The following DNAH10 variants were observed in gnomAD, a reference collection of about 807,000 sequenced individuals.
DNAH10 encodes the protein dynein axonemal heavy chain 10.
DNAH10 carries 348 observed loss-of-function variants against 506.6 expected under a neutral mutation model. The ratio of observed to expected loss-of-function variants is 0.69; its 90% CI spans 0.63 to 0.75. The LOEUF is 0.75. Among genes scored for constraint, DNAH10 ranks in the 30% least tolerant of loss-of-function variants. The probability of loss-of-function intolerance (pLI) is 0.00; values close to 1 mark genes in which losing one functional copy is unlikely to be tolerated. For synonymous variants in DNAH10, 2,059 were observed against 2,198.6 expected, an observed-to-expected ratio of 0.94 and a Z score of 1.78; for missense variants, 5,179 against 5,787.1, an observed-to-expected ratio of 0.89 and a Z score of 3.41.
At chr12:123,836,260 A>G (rs776178652) in intron 28 of DNAH10, among the ~76,000 whole-genome samples, 1 of 152,228 alleles carries the variant, frequency 6.6e-6, no homozygotes, top group Non-Finnish European at 1.5e-5. Context: ...AACAGTTCAT[A>G]TTAGGAAGTC....
chr12:123,886,854 G>A (rs1214915839), intron 51 of DNAH10, among the ~76,000 whole-genome samples: 1 of 152,194 alleles, frequency 6.6e-6, no homozygotes, highest in Non-Finnish European at 1.5e-5. Flanking sequence ...ATTTCTCCCT[G>A]TGTGCGTCTT....
At chr12:123,879,877 G>C in intron 50 of DNAH10, 76 bp downstream of exon 50, 1 of 1,527,880 alleles carries the variant, frequency 6.5e-7, no homozygotes, top group Non-Finnish European at 8.9e-7. Context: ...AGCATCGCGC[G>C]GGTGCCCGGG....
intron 38 of DNAH10, among the ~76,000 whole-genome samples, chr12:123,860,214 T>C (rs1432927823): frequency 6.6e-6 from 1 of 152,198 alleles, no homozygotes; most frequent in African/African-American, 2.4e-5. Context: ...GACTTAAACA[T>C]TTCTAGGCAG....
intron 19 of DNAH10, among the ~76,000 whole-genome samples, chr12:123,810,804 G>A (rs1958903724): frequency 6.6e-6 from 1 of 152,148 alleles, no homozygotes; most frequent in Middle Eastern, 3.2e-3. Flanking sequence ...TGTTATAGGT[G>A]CTATGTATGT....
chr12:123,771,158 CAG>C (rs1323519069), intron 2 of DNAH10, among the ~76,000 whole-genome samples: 1 of 151,898 alleles, frequency 6.6e-6, no homozygotes, highest in Non-Finnish European at 1.5e-5. Flanking sequence ...TTAGTAGAGA[CAG>C]GGTGTTGCCA....
chr12:123,871,712 TG>T (rs1952044229), intron 45 of DNAH10, 110 bp downstream of exon 45: 2 of 1,319,682 alleles, frequency 1.5e-6, no homozygotes, highest in African/African-American at 1.5e-5. Context: ...GGGTCGAGAA[TG>T]TGGGAGTGAC....
At chr12:123,830,356 C>T (rs536095787) in intron 25 of DNAH10, among the ~76,000 whole-genome samples, 190 bp from the exon 26 acceptor site, 32 of 152,112 alleles carry the variant, frequency 2.1e-4, no homozygotes, top group African/African-American at 5.3e-4. Context: ...TGTTGTTTTC[C>T]GGTTTAACTC....
At chr12:123,847,256 A>G (rs1034346302) in intron 32 of DNAH10, among the ~76,000 whole-genome samples, 51 of 148,632 alleles carry the variant, frequency 3.4e-4, no homozygotes, top group African/African-American at 1.2e-3. Flanking sequence ...CTATCTATCT[A>G]TCTATCTATC....
chr12:123,764,425 A>G (rs562030815), intron 1 of DNAH10, among the ~76,000 whole-genome samples: 40 of 152,208 alleles, frequency 2.6e-4, no homozygotes, highest in Admixed American at 2.6e-3. Flanking sequence ...ATGGAAACCA[A>G]AAACACACTC....
Position 123,819,046 on chromosome 12 carries a change from A to G in DNAH10, c.3877A>G (p.Ile1293Val). ...SVNVEHALGDIKRTFTELTRG... is the reference protein window; with the variant it reads ...SVNVEHALGDVKRTFTELTRG... Reference sequence around the variant, plus strand: ...GAATGTGGAGCATGCTCTTGGGGACATAAAGAGAACTTTCACAGAGGTACC... The same window carrying G: ...GAATGTGGAGCATGCTCTTGGGGACGTAAAGAGAACTTTCACAGAGGTACC... The change falls in exon 22 of 79, where the codon ATA (isoleucine) becomes GTA (valine). Residue 1293 changes from isoleucine to valine, a missense_variant. Around this residue, in one of 3 missense-constraint regions of DNAH10, gnomAD observed 4,844 missense variants for 5,430.5 expected, o/e 0.89. Coordinates refer to ENST00000673944, the MANE Select transcript of DNAH10 (RefSeq NM_001372106.1). The G allele has an allele frequency of 6.2e-7, 1 of 1,604,300 alleles. No individual in the cohort carries two copies. The highest frequency in any genetic ancestry group is 8.5e-7 in the Non-Finnish European group (1 of 1,175,064).
Position 123,926,583 on chromosome 12 carries a change from C to T in DNAH10, c.11922-54C>T. On this transcript the variant is annotated intron_variant, in intron 68 of 78. Coordinates refer to ENST00000673944, the MANE Select transcript of DNAH10 (RefSeq NM_001372106.1). The surrounding 1 kb of genome is among the most constrained non-coding windows in gnomAD (Gnocchi z 4.1). ...CAGCGCTGATCAGACAGACCAGCCC[C>T]TGGTCTGGAGCTGTCCTCGCGGGAG... 1 of 1,576,924 alleles carries T rather than the reference C, an allele frequency of 6.3e-7. No homozygotes were observed. Among genetic ancestry groups the T allele is most frequent in the Non-Finnish European group, 8.6e-7 (1 of 1,160,620 alleles).
chr12:123,929,166 C>A, intron 70 of DNAH10, 109 bp from the exon 71 acceptor site: 2 of 1,160,804 alleles, frequency 1.7e-6, no homozygotes, highest in Non-Finnish European at 2.5e-6. Context: ...AGGTCTCAGA[C>A]AGATGGCTCC....
In DNAH10 at chr12:123,923,760, C is replaced by T. The variant is rs1226478747; in HGVS notation, c.11507-3C>T. 1 of 1,600,938 alleles carries T rather than the reference C, an allele frequency of 6.2e-7. No homozygotes were observed. The highest frequency in any genetic ancestry group is 8.5e-7 in the Non-Finnish European group (1 of 1,175,260). Reference sequence around the variant, plus strand: ...TCAATACTCATCTGATGTTTCCCTCCAGGGCTGTTTGAGAGGCACAAGCTA... The same window carrying T: ...TCAATACTCATCTGATGTTTCCCTCTAGGGCTGTTTGAGAGGCACAAGCTA... On this transcript the variant is annotated splice_region_variant and splice_polypyrimidine_tract_variant and intron_variant, in intron 65 of 78. Transcript: ENST00000673944.
intron 28 of DNAH10, among the ~76,000 whole-genome samples, chr12:123,835,878 G>A (rs2136551835): frequency 1.3e-5 from 2 of 152,254 alleles, no homozygotes; most frequent in East Asian, 3.9e-4. Context: ...TCCCACATTG[G>A]CCTCCCAAAG....
At chr12:123,781,392 G>A in intron 6 of DNAH10, 93 bp downstream of exon 6, 1 of 1,251,548 alleles carries the variant, frequency 8.0e-7, no homozygotes, top group Non-Finnish European at 1.1e-6. Flanking sequence ...GCTAACTTTT[G>A]GAACATTTTT....
rs141318218 is a variant in DNAH10 at position 123,783,199 on chromosome 12, T to C, written c.934T>C (p.Cys312Arg). ...DPETVDILEQCVINWLNQIST... is the reference protein window; with the variant it reads ...DPETVDILEQRVINWLNQIST... Reference sequence around the variant, plus strand: ...GGAAACCGTTGACATCTTGGAGCAGTGTGTGATAAACTGGCTGAATCAGAT... The same window carrying C: ...GGAAACCGTTGACATCTTGGAGCAGCGTGTGATAAACTGGCTGAATCAGAT... The change falls in exon 7 of 79, where the codon TGT becomes CGT. Residue 312 changes from cysteine (C) to arginine (R), a missense_variant. Physicochemically the swap from Cys to Arg is radical, Grantham distance 180. Around this residue, in one of 3 missense-constraint regions of DNAH10, gnomAD observed 4,844 missense variants for 5,430.5 expected, o/e 0.89. Coordinates refer to ENST00000673944, the MANE Select transcript of DNAH10 (RefSeq NM_001372106.1). The C allele has an allele frequency of 5.5e-5, 89 of 1,614,178 alleles. 1 individual carries two copies. In the Admixed American group the frequency reaches 9.3e-4, roughly 17 times the overall value.
At chr12:123,774,017 A>G (rs1957349788) in intron 4 of DNAH10, 132 bp from the exon 5 acceptor site, 4 of 647,310 alleles carry the variant, frequency 6.2e-6, no homozygotes, top group Non-Finnish European at 2.7e-6. Flanking sequence ...AATAGGGGAT[A>G]TTCTGAATCT....
chr12:123,796,566 C>A, intron 12 of DNAH10, 90 bp from the exon 13 acceptor site: 1 of 1,226,952 alleles, frequency 8.2e-7, no homozygotes, highest in Non-Finnish European at 1.1e-6. Flanking sequence ...TGACATTCCA[C>A]TTTTGGTTTC....
In DNAH10 at chr12:123,808,880, T is replaced by C. The variant is rs199696394; in HGVS notation, c.3071T>C (p.Ile1024Thr). 318 of 1,614,102 alleles carry C rather than the reference T, an allele frequency of 2.0e-4. No individual in the cohort carries two copies. The highest frequency in any genetic ancestry group is 2.6e-4 in the Non-Finnish European group (308 of 1,180,046). ...ACCATTCTGACGGCACCTGAGATCA[T>C]CCTTCATCCCAACACAAATGAGATC... ...TETILTAPEI[I>T]LHPNTNEIDK... The change falls in exon 19 of 79, where the codon ATC becomes ACC. Residue 1024 changes from isoleucine to threonine, a missense_variant. Physicochemically the swap from Ile to Thr is moderately conservative, Grantham distance 89. Transcript: ENST00000673944.
Sources: allele counts gnomAD v4.1 joint callset (sites outside exome capture counted in the v4.1 genomes callset), GRCh38; gene constraint gnomAD v4.1.1; regional missense constraint gnomAD v4.1.1; non-coding constraint Gnocchi (gnomAD v3.1); transcripts MANE v1.5; gene names NCBI Gene and HGNC (gene_info 2026-07-23, HGNC 2026-07-21).